Variants in C2orf76 observed in about 807,000 individuals in gnomAD.
C2orf76 encodes the protein UPF0538 protein C2orf76.
In C2orf76, 23 loss-of-function variants were observed where a neutral mutation model predicts 16.9. That is an observed-to-expected ratio of 1.36 (90% CI 0.98 to 1.93). C2orf76 has a LOEUF of 1.93. C2orf76 is among the 30% of genes most tolerant of loss of function. The pLI, the probability that C2orf76 is intolerant of heterozygous loss-of-function variation, is 0.00. For missense variants in C2orf76, 152 were observed against 152.6 expected (o/e 1.00, Z 0.02); for synonymous variants, 48 against 52.3 (o/e 0.92, Z 0.35).
intron 1 of C2orf76, among the ~76,000 whole-genome samples, chr2:119,357,565 A>G (rs1409082061): frequency 6.6e-6 from 1 of 151,668 alleles, no homozygotes; most frequent in African/African-American, 2.4e-5. Flanking sequence ...GGAACATCTC[A>G]ATTTGATAAA....
intron 2 of C2orf76, among the ~76,000 whole-genome samples, chr2:119,327,539 T>A (rs181817266): frequency 6.6e-6 from 1 of 152,172 alleles, no homozygotes; most frequent in East Asian, 1.9e-4. Context: ...GTGCTCTCCA[T>A]GCTATAATGG....
the C2orf76 span, among the ~76,000 whole-genome samples, chr2:119,288,359 T>G: frequency 6.6e-6 from 1 of 151,866 alleles, no homozygotes; most frequent in African/African-American, 2.4e-5. Flanking sequence ...GGTTTCACCG[T>G]GGTCTCTATC....
chr2:119,301,076 AACAC>A (rs57577702), downstream of C2orf76, among the ~76,000 whole-genome samples: 4,915 of 146,230 alleles, frequency 0.034, 97 homozygotes, highest in South Asian at 0.087. Flanking sequence ...ACTTCTTAAA[AACAC>A]ACACACACAC....
intron 1 of C2orf76, among the ~76,000 whole-genome samples, chr2:119,345,432 G>A (rs1419803335): frequency 6.6e-6 from 1 of 152,196 alleles, no homozygotes; most frequent in East Asian, 1.9e-4. Flanking sequence ...CTATCTGGAG[G>A]TGAGTGGGTA....
intron 2 of C2orf76, among the ~76,000 whole-genome samples, chr2:119,327,623 C>G (rs1306325804): frequency 6.6e-6 from 1 of 152,096 alleles, no homozygotes; most frequent in Non-Finnish European, 1.5e-5. Context: ...CCCTCTCTCT[C>G]TCTCTTGCTT....
chr2:119,345,287 G>T (rs749405864), intron 1 of C2orf76, among the ~76,000 whole-genome samples: 4 of 152,190 alleles, frequency 2.6e-5, no homozygotes, highest in Admixed American at 6.5e-5. Flanking sequence ...AGAACTGAAA[G>T]AGAAACAGTT....
chr2:119,321,610 A>G (rs889918160), intron 2 of C2orf76, among the ~76,000 whole-genome samples: 1 of 152,102 alleles, frequency 6.6e-6, no homozygotes, highest in Admixed American at 6.6e-5. Context: ...CCATGATTCA[A>G]TTCTCTCCCA....
At chr2:119,293,871 C>G in the C2orf76 span, among the ~76,000 whole-genome samples, 1 of 152,142 alleles carries the variant, frequency 6.6e-6, no homozygotes, top group Admixed American at 6.5e-5. Flanking sequence ...GGTCCACCCT[C>G]AGGGAGAAAG....
chr2:119,314,525 G>T (rs1410685447), intron 4 of C2orf76, among the ~76,000 whole-genome samples: 4 of 152,038 alleles, frequency 2.6e-5, no homozygotes, highest in African/African-American at 9.7e-5. Context: ...TCCATATTTG[G>T]AAATATTGGG....
chr2:119,338,045 T>A (rs1432011228), intron 2 of C2orf76, among the ~76,000 whole-genome samples: 1 of 152,174 alleles, frequency 6.6e-6, no homozygotes, highest in African/African-American at 2.4e-5. Flanking sequence ...GATTATAAAA[T>A]AAAAAAGTAC....
chr2:119,285,541 C>T, the C2orf76 span, among the ~76,000 whole-genome samples: 1 of 152,158 alleles, frequency 6.6e-6, no homozygotes, highest in Non-Finnish European at 1.5e-5. Context: ...CGTATCCCAC[C>T]CCCAACACCT....
upstream of C2orf76, chr2:119,366,856 G>C: frequency 1.4e-6 from 1 of 704,484 alleles, no homozygotes; most frequent in South Asian, 1.9e-5. Flanking sequence ...GGCTCGGGCG[G>C]GGCTAGCGCC....
intron 3 of C2orf76, among the ~76,000 whole-genome samples, chr2:119,319,651 G>A (rs537796057): frequency 2.0e-5 from 3 of 152,220 alleles, no homozygotes; most frequent in Admixed American, 6.5e-5. Flanking sequence ...AGTAGCATGC[G>A]TGGTAAATCA....
At chr2:119,322,451 G>A (rs1679375483) in intron 2 of C2orf76, among the ~76,000 whole-genome samples, 1 of 152,010 alleles carries the variant, frequency 6.6e-6, no homozygotes, top group African/African-American at 2.4e-5. Context: ...TAAGCAATCT[G>A]CCCACCTTGG....
rs1270352183 is a variant in C2orf76, at chr2:119,366,791, T to TGTTCCCGGC, written c.-23_-15dup. 3 of 573,502 alleles carry TGTTCCCGGC rather than the reference T, an allele frequency of 5.2e-6. No homozygotes were observed. Among genetic ancestry groups the TGTTCCCGGC allele is most frequent in the Non-Finnish European group, 9.3e-6 (3 of 324,236 alleles). 35.5% of individuals were successfully genotyped at this position (573,502 alleles called of 1,614,324 possible). A position where few individuals can be genotyped will look rare whatever the true frequency, so the allele number is the denominator to read the frequency against. On this transcript the variant is annotated splice_region_variant and 5_prime_UTR_variant, in exon 1 of 6. Coordinates refer to ENST00000334816, the MANE Select transcript of C2orf76 (RefSeq NM_001322331.2). The stretch of plus-strand genomic sequence containing the variant: ...GCACCCTACTTCCGTTGTCCCCACC[T>TGTTCCCGGC]GTTCCCGGCGTCCCCTTCGGCTACT...
chr2:119,289,175 G>A, the C2orf76 span, among the ~76,000 whole-genome samples: 2 of 152,174 alleles, frequency 1.3e-5, no homozygotes, highest in African/African-American at 4.8e-5. Context: ...AGGTCCCAAC[G>A]CATTTCTAGC....
intron 2 of C2orf76, among the ~76,000 whole-genome samples, chr2:119,339,263 A>C (rs1679947179): frequency 6.6e-6 from 1 of 152,240 alleles, no homozygotes; most frequent in Non-Finnish European, 1.5e-5. Context: ...TGATTGGAAC[A>C]CTTCAATAAT....
intron 1 of C2orf76, among the ~76,000 whole-genome samples, chr2:119,343,604 A>G (rs555990097): frequency 1.6e-4 from 24 of 152,092 alleles, no homozygotes; most frequent in Non-Finnish European, 3.1e-4. Context: ...CTTAGCTGCA[A>G]CTGTCTGATA....
intron 2 of C2orf76, 55 bp downstream of exon 2, chr2:119,339,772 A>G: frequency 6.8e-7 from 1 of 1,476,068 alleles, no homozygotes; most frequent in Admixed American, 1.8e-5. Flanking sequence ...TTAATGTCAT[A>G]GTCAGCTATT....
Sources: allele counts gnomAD v4.1 joint callset (sites outside exome capture counted in the v4.1 genomes callset), GRCh38; gene constraint gnomAD v4.1.1; transcripts MANE v1.5; gene names NCBI Gene and HGNC (gene_info 2026-07-23, HGNC 2026-07-21).